SPAG16: variants seen among roughly 807,000 people sequenced by gnomAD.
SPAG16 encodes sperm associated antigen 16.
In SPAG16, 86 loss-of-function variants were observed where a neutral mutation model predicts 80.4. The ratio of observed to expected loss-of-function variants is 1.07; its 90% CI spans 0.90 to 1.28. SPAG16 has a LOEUF of 1.28. SPAG16 is among the 50% of genes most tolerant of loss of function. SPAG16 has a pLI of 0.00. For synonymous variants in SPAG16, 294 were observed against 265.9 expected, an observed-to-expected ratio of 1.11 and a Z score of -1.03; for missense variants, 870 against 765.3, an observed-to-expected ratio of 1.14 and a Z score of -1.61.
At chr2:214,069,702 CT>C (rs200275489) in intron 13 of SPAG16, among the ~76,000 whole-genome samples, 14 of 150,942 alleles carry the variant, frequency 9.3e-5, no homozygotes, top group African/African-American at 2.7e-4. Flanking sequence ...CTTCTGTCAC[CT>C]TTTTTTTTGT....
At chr2:213,540,179 C>T (rs567677367) in intron 10 of SPAG16, among the ~76,000 whole-genome samples, 34 of 151,682 alleles carry the variant, frequency 2.2e-4, no homozygotes, top group African/African-American at 6.3e-4. Flanking sequence ...GGACTACAGG[C>T]GCCTGCCACC....
chr2:213,943,550 A>G (rs984078906), intron 12 of SPAG16, among the ~76,000 whole-genome samples: 1 of 152,160 alleles, frequency 6.6e-6, no homozygotes, highest in African/African-American at 2.4e-5. Flanking sequence ...GGTGAATTGT[A>G]TTCATGTTCT....
At chr2:213,810,612 A>G (rs182292230) in intron 10 of SPAG16, among the ~76,000 whole-genome samples, 77 of 152,300 alleles carry the variant, frequency 5.1e-4, no homozygotes, top group African/African-American at 1.6e-3. Flanking sequence ...GAAGATATAG[A>G]GGACAATTCA....
At chr2:214,044,537 A>C (rs750025692) in intron 13 of SPAG16, among the ~76,000 whole-genome samples, 1 of 152,144 alleles carries the variant, frequency 6.6e-6, no homozygotes, top group Non-Finnish European at 1.5e-5. Flanking sequence ...CAAAATTAAC[A>C]AGTATCTACA....
intron 11 of SPAG16, among the ~76,000 whole-genome samples, chr2:213,912,170 G>A (rs1243145436): frequency 6.6e-6 from 1 of 152,054 alleles, no homozygotes; most frequent in Non-Finnish European, 1.5e-5. Flanking sequence ...AAATGGGTTA[G>A]TAAAATACTT....
At chr2:213,993,199 A>G (rs116767275) in intron 12 of SPAG16, among the ~76,000 whole-genome samples, 3,773 of 152,310 alleles carry the variant, frequency 0.025, 151 homozygotes, top group African/African-American at 0.086. Context: ...CGGGCAGAAT[A>G]TAGAGAAGGT....
intron 10 of SPAG16, among the ~76,000 whole-genome samples, chr2:213,800,312 T>TTCCC (rs71397194): frequency 2.8e-5 from 4 of 142,502 alleles, no homozygotes; most frequent in African/African-American, 5.4e-5. Flanking sequence ...CCCTTTCTCC[T>TTCCC]TCCCTCCCTC....
At chr2:214,013,751 G>A (rs1012081180) in intron 12 of SPAG16, among the ~76,000 whole-genome samples, 200 bp from the exon 13 acceptor site, 1 of 152,130 alleles carries the variant, frequency 6.6e-6, no homozygotes, top group African/African-American at 2.4e-5. Context: ...GGTAATTTGA[G>A]TGTAGTTTTA....
chr2:214,328,513 C>T (rs1696659748), intron 15 of SPAG16, among the ~76,000 whole-genome samples: 1 of 152,070 alleles, frequency 6.6e-6, no homozygotes, highest in Non-Finnish European at 1.5e-5. Context: ...GTGTTGGATC[C>T]AAGTATACTT....
chr2:214,379,039 T>G (rs1700296336), intron 15 of SPAG16, among the ~76,000 whole-genome samples: 1 of 152,226 alleles, frequency 6.6e-6, no homozygotes, highest in African/African-American at 2.4e-5. Context: ...GCTTACCTGC[T>G]GCAGGTCACT....
chr2:214,392,834 C>G (rs971451467), intron 15 of SPAG16, among the ~76,000 whole-genome samples: 2 of 152,070 alleles, frequency 1.3e-5, no homozygotes, highest in African/African-American at 4.8e-5. Context: ...TTTGTTAACA[C>G]TGAACCTAGA....
intron 13 of SPAG16, among the ~76,000 whole-genome samples, chr2:214,059,260 G>GTATA (rs34712920): frequency 0.21 from 28,145 of 132,014 alleles, 3,187 homozygotes; most frequent in South Asian, 0.29. Flanking sequence ...ATATATGTAT[G>GTATA]TATATATATA....
chr2:213,435,443 T>G (rs2070566730), intron 9 of SPAG16, among the ~76,000 whole-genome samples: 1 of 152,150 alleles, frequency 6.6e-6, no homozygotes. Flanking sequence ...CAATGTACAT[T>G]ATTCAATTAC....
At chr2:213,292,834 G>C (rs2062348442) in intron 1 of SPAG16, among the ~76,000 whole-genome samples, 1 of 151,936 alleles carries the variant, frequency 6.6e-6, no homozygotes. Flanking sequence ...TCTCTTTCCA[G>C]AGTGAGAAAA....
At chr2:213,291,213 A>G (rs1258542096) in intron 1 of SPAG16, among the ~76,000 whole-genome samples, 1 of 152,094 alleles carries the variant, frequency 6.6e-6, no homozygotes, top group Non-Finnish European at 1.5e-5. Flanking sequence ...TCCAATTTCC[A>G]CATTCATTAA....
intron 13 of SPAG16, among the ~76,000 whole-genome samples, chr2:214,048,185 G>T (rs2049444780): frequency 6.6e-6 from 1 of 152,084 alleles, no homozygotes; most frequent in African/African-American, 2.4e-5. Context: ...GCAATCCCAT[G>T]CCTAGGTATA....
chr2:213,871,103 C>T (rs1171699813), intron 11 of SPAG16, among the ~76,000 whole-genome samples: 1 of 152,094 alleles, frequency 6.6e-6, no homozygotes, highest in Non-Finnish European at 1.5e-5. Context: ...TCTGAAATCA[C>T]TTTATCAGAA....
At chr2:213,962,604 G>A (rs2044503992) in intron 12 of SPAG16, among the ~76,000 whole-genome samples, 1 of 152,234 alleles carries the variant, frequency 6.6e-6, no homozygotes. Flanking sequence ...AGTCTCAGCA[G>A]AGATTAAACC....
chr2:214,040,995 A>G (rs1437311909), intron 13 of SPAG16, among the ~76,000 whole-genome samples: 1 of 151,882 alleles, frequency 6.6e-6, no homozygotes, highest in African/African-American at 2.4e-5. Context: ...TTCTTTGCCT[A>G]TCTTCCATTT....
Sources: gnomAD v4.1 joint callset for allele counts (sites outside exome capture counted in the v4.1 genomes callset) on GRCh38, gnomAD v4.1.1 for gene constraint, MANE v1.5 for transcripts, NCBI Gene and HGNC (gene_info 2026-07-23, HGNC 2026-07-21) for gene names.